SORCS3: variants seen among roughly 807,000 people sequenced by gnomAD.
The protein encoded by SORCS3 is sortilin related VPS10 domain containing receptor 3, also known as VPS10 domain-containing receptor SorCS3.
SORCS3 carries 57 observed loss-of-function variants against 146.3 expected under a neutral mutation model. The observed-to-expected ratio is 0.39, with a 90% confidence interval of 0.31 to 0.49. The LOEUF (loss-of-function observed/expected upper bound fraction) is 0.49, where lower values mean the gene tolerates loss of function less well. Ranked by LOEUF, SORCS3 falls within the 20% of genes least tolerant of loss-of-function variation. The probability of loss-of-function intolerance (pLI) is 0.92; values close to 1 mark genes in which losing one functional copy is unlikely to be tolerated. For missense variants in SORCS3, 1,341 were observed against 1,575.5 expected (o/e 0.85, Z 2.52); for synonymous variants, 653 against 618.5 (o/e 1.06, Z -0.83).
chr10:104,790,938 T>C (rs1467421438), intron 1 of SORCS3, among the ~76,000 whole-genome samples: 1 of 152,224 alleles, frequency 6.6e-6, no homozygotes, highest in Non-Finnish European at 1.5e-5. Flanking sequence ...CTTTATAAGA[T>C]AACACTCCTG....
At chr10:104,989,365 C>T (rs1249445344) in intron 4 of SORCS3, among the ~76,000 whole-genome samples, 1 of 152,146 alleles carries the variant, frequency 6.6e-6, no homozygotes. Flanking sequence ...ACATTGACTT[C>T]TTACTTAAAA....
At chr10:105,008,633 T>C (rs1467206695) in intron 4 of SORCS3, among the ~76,000 whole-genome samples, 2 of 152,170 alleles carry the variant, frequency 1.3e-5, no homozygotes, top group East Asian at 3.9e-4. Context: ...AGGATCAAGC[T>C]GAGGTTTTTT....
At chr10:105,218,032 T>C (rs2056675810) in intron 19 of SORCS3, among the ~76,000 whole-genome samples, 1 of 152,140 alleles carries the variant, frequency 6.6e-6, no homozygotes, top group Non-Finnish European at 1.5e-5. Flanking sequence ...AGGAGCACCC[T>C]CCTATTAACA....
At chr10:104,696,069 AATATATATCATATACACATATATAAT>A (rs1243721271) in intron 1 of SORCS3, among the ~76,000 whole-genome samples, 2 of 92,006 alleles carry the variant, frequency 2.2e-5, no homozygotes, top group African/African-American at 4.1e-5. Context: ...TATTATATAT[AATATATATCATATACACATATATAAT>A]ATATCATATA....
At chr10:104,732,693 G>A (rs1300949283) in intron 1 of SORCS3, among the ~76,000 whole-genome samples, 1 of 152,116 alleles carries the variant, frequency 6.6e-6, no homozygotes, top group Non-Finnish European at 1.5e-5. Context: ...GCATATTGTG[G>A]GCAGAGCTAT....
At chr10:104,967,613 T>C (rs2054833089) in intron 3 of SORCS3, among the ~76,000 whole-genome samples, 1 of 152,130 alleles carries the variant, frequency 6.6e-6, no homozygotes, top group East Asian at 2.0e-4. Context: ...CCACATCACC[T>C]CTATTTGTCT....
intron 25 of SORCS3, among the ~76,000 whole-genome samples, chr10:105,257,180 A>C (rs1344099392): frequency 6.6e-6 from 1 of 152,228 alleles, no homozygotes; most frequent in Admixed American, 6.5e-5. Context: ...TCAATTTATT[A>C]TCTTCAAGAG....
At chr10:105,255,186 CAAAAAAAAAAAAAAA>C (rs35150065) in intron 23 of SORCS3, among the ~76,000 whole-genome samples, 1 of 32,656 alleles carries the variant, frequency 3.1e-5, no homozygotes, top group East Asian at 8.6e-4. Flanking sequence ...GACTCAGTCT[CAAAAAAAAAAAAAAA>C]AAAAAAAAAA....
chr10:104,721,157 G>C (rs1336673209), intron 1 of SORCS3, among the ~76,000 whole-genome samples: 1 of 152,140 alleles, frequency 6.6e-6, no homozygotes, highest in Non-Finnish European at 1.5e-5. Flanking sequence ...TTTTGTATAA[G>C]GTGTAAGGAA....
At chr10:104,645,401 G>T (rs2015481310) in intron 1 of SORCS3, among the ~76,000 whole-genome samples, 2 of 152,192 alleles carry the variant, frequency 1.3e-5, no homozygotes, top group South Asian at 4.1e-4. Flanking sequence ...TGGCTCTGGA[G>T]AGTGGAAAGT....
chr10:105,071,163 A>G (rs74157411), intron 5 of SORCS3, among the ~76,000 whole-genome samples: 2,238 of 151,702 alleles, frequency 0.015, 51 homozygotes, highest in African/African-American at 0.051. Flanking sequence ...AGTCAGCATC[A>G]TTCCTCTCTG....
At chr10:105,230,304 A>G (rs951949661) in intron 20 of SORCS3, among the ~76,000 whole-genome samples, 3 of 151,964 alleles carry the variant, frequency 2.0e-5, no homozygotes, top group Non-Finnish European at 4.4e-5. Context: ...GTGATCTCCA[A>G]ACCCCAGGTG....
chr10:105,200,181 G>A, intron 15 of SORCS3, 65 bp downstream of exon 15: 5 of 1,266,730 alleles, frequency 3.9e-6, no homozygotes, highest in African/African-American at 2.9e-5. Context: ...GTCCGACTGG[G>A]TCTTATCTGA....
intron 14 of SORCS3, among the ~76,000 whole-genome samples, chr10:105,195,165 A>T (rs1352984188): frequency 6.6e-6 from 1 of 152,170 alleles, no homozygotes; most frequent in Admixed American, 6.5e-5. Context: ...TACATGAACC[A>T]CTTTGTTCCC....
intron 1 of SORCS3, among the ~76,000 whole-genome samples, chr10:104,670,648 G>A (rs752064580): frequency 2.9e-4 from 44 of 152,178 alleles, no homozygotes; most frequent in Non-Finnish European, 3.7e-4. Context: ...TTTCAGGACC[G>A]TTTTAGCTAT....
intron 13 of SORCS3, among the ~76,000 whole-genome samples, chr10:105,176,444 T>C (rs1253351665): frequency 1.3e-5 from 2 of 152,012 alleles, no homozygotes; most frequent in East Asian, 1.9e-4. Context: ...TTCTAGCTAT[T>C]TGGGAGGCTG....
chr10:104,780,026 A>G (rs1229001297), intron 1 of SORCS3, among the ~76,000 whole-genome samples: 1 of 151,938 alleles, frequency 6.6e-6, no homozygotes, highest in Non-Finnish European at 1.5e-5. Context: ...GGGGAGGGGA[A>G]GGGAGGTGGA....
intron 2 of SORCS3, among the ~76,000 whole-genome samples, chr10:104,886,555 CATCTATCTATCTATCTATCTATCTATCT>C (rs55977539): frequency 7.9e-5 from 10 of 126,988 alleles, no homozygotes; most frequent in Non-Finnish European, 4.8e-5. Flanking sequence ...ATAACTCTAT[CATCTATCTATCTATCTATCTATCTATCT>C]ATCTATCTAT....
At chr10:105,190,841 C>A (rs1299909896) in intron 14 of SORCS3, among the ~76,000 whole-genome samples, 2 of 152,078 alleles carry the variant, frequency 1.3e-5, no homozygotes, top group Admixed American at 6.6e-5. Context: ...CCAGCAAAGA[C>A]AAAGTAAATA....
Sources: gnomAD v4.1 joint callset for allele counts (sites outside exome capture counted in the v4.1 genomes callset) on GRCh38, gnomAD v4.1.1 for gene constraint, MANE v1.5 for transcripts, NCBI Gene and HGNC (gene_info 2026-07-23, HGNC 2026-07-21) for gene names.